Variants in SCN8A observed in about 807,000 individuals in gnomAD.
SCN8A encodes the protein sodium channel protein type 8 subunit alpha.
A neutral mutation model predicts 184.1 loss-of-function variants in SCN8A; 30 were observed. The observed-to-expected ratio is 0.16, with a 90% CI of 0.12 to 0.22. The LOEUF (loss-of-function observed/expected upper bound fraction) is 0.22. Among genes scored for constraint, SCN8A ranks in the 10% least tolerant of loss-of-function variants. The pLI, the probability that SCN8A is intolerant of heterozygous loss-of-function variation, is 1.00. For missense variants in SCN8A, 1,057 were observed against 2,498.9 expected (o/e 0.42, Z 12.30); for synonymous variants, 852 against 907.0 (o/e 0.94, Z 1.09).
chr12:51,755,325 G>A (rs1041739254), intron 14 of SCN8A, among the ~76,000 whole-genome samples: 3 of 152,202 alleles, frequency 2.0e-5, no homozygotes, highest in Admixed American at 2.0e-4. Flanking sequence ...TCCATTTGAT[G>A]TTTAGACTTC....
At chr12:51,597,619 G>A (rs1939377362) in intron 1 of SCN8A, among the ~76,000 whole-genome samples, 1 of 152,114 alleles carries the variant, frequency 6.6e-6, no homozygotes, top group African/African-American at 2.4e-5. Flanking sequence ...GATTGATAAA[G>A]GAAGAGATGG....
chr12:51,760,572 A>G (rs764297087), intron 14 of SCN8A, among the ~76,000 whole-genome samples: 1 of 152,180 alleles, frequency 6.6e-6, no homozygotes, highest in Non-Finnish European at 1.5e-5. Context: ...TCAAGTCTCT[A>G]CTTAGTGTGT....
At chr12:51,658,538 A>G (rs962319087) in intron 1 of SCN8A, among the ~76,000 whole-genome samples, 1 of 152,158 alleles carries the variant, frequency 6.6e-6, no homozygotes, top group Non-Finnish European at 1.5e-5. Context: ...TGAGAACACT[A>G]TGCTAAGTGA....
intron 18 of SCN8A, chr12:51,770,189 T>C: frequency 1.7e-6 from 1 of 586,508 alleles, no homozygotes; most frequent in Non-Finnish European, 3.0e-6. Flanking sequence ...TCTCACACTT[T>C]TCATCATCCA....
At chr12:51,773,181 C>T (rs936829637) in intron 19 of SCN8A, among the ~76,000 whole-genome samples, 7 of 152,060 alleles carry the variant, frequency 4.6e-5, no homozygotes, top group Admixed American at 1.3e-4. Flanking sequence ...TGGAAGGTGA[C>T]GCTGCAGACA....
intron 14 of SCN8A, among the ~76,000 whole-genome samples, chr12:51,752,837 ATT>A (rs1453847182): frequency 6.6e-6 from 1 of 152,214 alleles, no homozygotes; most frequent in African/African-American, 2.4e-5. Flanking sequence ...TATAAGCTTG[ATT>A]TTAGTAGCCA....
chr12:51,606,062 C>G (rs1409381031), intron 1 of SCN8A, among the ~76,000 whole-genome samples: 1 of 152,056 alleles, frequency 6.6e-6, no homozygotes, highest in Non-Finnish European at 1.5e-5. Flanking sequence ...ACTCTGCTGA[C>G]TTCCTTGTGC....
chr12:51,644,956 C>T (rs1476419079), intron 1 of SCN8A, among the ~76,000 whole-genome samples: 2 of 149,188 alleles, frequency 1.3e-5, no homozygotes, highest in African/African-American at 2.5e-5. Flanking sequence ...GGAGCCCCTC[C>T]GCCCAGCAGC....
intron 14 of SCN8A, among the ~76,000 whole-genome samples, chr12:51,752,011 C>T (rs79273985): frequency 0.014 from 2,073 of 152,248 alleles, 67 homozygotes; most frequent in African/African-American, 0.047. Flanking sequence ...TAGTACACTA[C>T]ATGTAACTAT....
intron 6 of SCN8A, among the ~76,000 whole-genome samples, chr12:51,690,754 A>G (rs1341751556): frequency 6.6e-6 from 1 of 152,204 alleles, no homozygotes; most frequent in East Asian, 1.9e-4. Flanking sequence ...GCAGACTGGA[A>G]TGTGGTTTAC....
rs573193641 is a variant in SCN8A at position 51,775,504 on chromosome 12, C to T, written c.3819+1142C>T. On this transcript the variant is annotated intron_variant, in intron 20 of 26. Transcript: ENST00000627620. Reference sequence around the variant, plus strand: ...CAAAAAGCCAGCCTTTGGGAAATGCCTAAATGAGGTGAGGACCCCAGCCCT... The same window carrying T: ...CAAAAAGCCAGCCTTTGGGAAATGCTTAAATGAGGTGAGGACCCCAGCCCT... Among the ~76,000 whole-genome samples the T allele has an allele frequency of 2.6e-5, 4 of 152,306 alleles. No homozygotes were observed. In the East Asian group the frequency reaches 5.8e-4, roughly 22 times the overall value.
intron 11 of SCN8A, among the ~76,000 whole-genome samples, chr12:51,708,468 T>C (rs182981273): frequency 4.9e-4 from 74 of 152,342 alleles, no homozygotes; most frequent in African/African-American, 1.7e-3. Context: ...GCCATTTAAT[T>C]TCCCATTTTA....
intron 14 of SCN8A, among the ~76,000 whole-genome samples, chr12:51,755,815 C>G (rs1307678462): frequency 1.3e-5 from 2 of 152,150 alleles, no homozygotes; most frequent in Non-Finnish European, 2.9e-5. Context: ...AGTTTTCTCC[C>G]TTTCTGTATT....
intron 1 of SCN8A, among the ~76,000 whole-genome samples, chr12:51,604,668 C>T (rs191253783): frequency 4.2e-4 from 64 of 152,244 alleles, no homozygotes; most frequent in Non-Finnish European, 8.1e-4. Context: ...GCTGGGATTA[C>T]AGGCATGCGC....
chr12:51,714,666 A>G (rs1416308297), intron 11 of SCN8A, among the ~76,000 whole-genome samples: 1 of 152,222 alleles, frequency 6.6e-6, no homozygotes, highest in Non-Finnish European at 1.5e-5. Flanking sequence ...TGGAAATAGA[A>G]CATGTAAAAT....
intron 11 of SCN8A, chr12:51,713,347 T>C (rs1179369796): frequency 1.3e-5 from 14 of 1,047,880 alleles, no homozygotes; most frequent in Non-Finnish European, 2.1e-5. Context: ...ATCCACCTCT[T>C]CAACACAAGA....
intron 1 of SCN8A, among the ~76,000 whole-genome samples, chr12:51,629,384 G>C (rs1940148365): frequency 6.6e-6 from 1 of 152,034 alleles, no homozygotes; most frequent in Non-Finnish European, 1.5e-5. Flanking sequence ...AGCATCCCTG[G>C]CCTCTACCAC....
chr12:51,776,845 C>A (rs755206319), intron 20 of SCN8A, among the ~76,000 whole-genome samples: 1 of 152,172 alleles, frequency 6.6e-6, no homozygotes, highest in Non-Finnish European at 1.5e-5. Context: ...CATTTGTTTC[C>A]CTAATTGATT....
intron 1 of SCN8A, among the ~76,000 whole-genome samples, chr12:51,636,667 G>A (rs1442798219): frequency 6.6e-6 from 1 of 152,130 alleles, no homozygotes; most frequent in African/African-American, 2.4e-5. Context: ...TTTCAACATT[G>A]TCTTTCTTAA....
Sources: gnomAD v4.1 joint callset for allele counts (sites outside exome capture counted in the v4.1 genomes callset) on GRCh38, gnomAD v4.1.1 for gene constraint, MANE v1.5 for transcripts, NCBI Gene and HGNC (gene_info 2026-07-23, HGNC 2026-07-21) for gene names.